Variants in LRRC8C observed in about 807,000 individuals in gnomAD.
LRRC8C encodes leucine rich repeat containing 8 VRAC subunit C.
In LRRC8C, 20 loss-of-function variants were observed where a neutral mutation model predicts 55.3. That is an observed-to-expected ratio of 0.36 (90% CI 0.25 to 0.53). The LOEUF (loss-of-function observed/expected upper bound fraction) is 0.53. Among genes scored for constraint, LRRC8C ranks in the 20% least tolerant of loss-of-function variants. The pLI, the probability that LRRC8C is intolerant of heterozygous loss-of-function variation, is 0.92. For missense variants in LRRC8C, 659 were observed against 951.4 expected (o/e 0.69, Z 4.04); for synonymous variants, 376 against 360.7 (o/e 1.04, Z -0.48).
In LRRC8C at chr1:89,685,103, T is replaced by G. The variant is rs958847479; in HGVS notation, c.-4-1367T>G. Among the ~76,000 whole-genome samples the G allele has an allele frequency of 1.3e-4, 4 of 31,286 alleles. 1 individual carries two copies. Among genetic ancestry groups the G allele is most frequent in the Admixed American group, 3.2e-4 (1 of 3,172 alleles). The allele number at this position is 31,286 out of a possible 152,430, so 20.5% of individuals were successfully genotyped here. A position where few individuals can be genotyped will look rare whatever the true frequency, so the allele number is the denominator to read the frequency against. On this transcript the variant is annotated intron_variant, in intron 1 of 2. Coordinates refer to ENST00000370454, the MANE Select transcript of LRRC8C (RefSeq NM_032270.5). ...GGATGTTTATTGTCTATCTAGTTCT[T>G]TTTTTTTTTTTTTTTTTTTTTTTGA...
Position 89,712,861 on chromosome 1 carries a change from A to T in LRRC8C, c.291A>T (p.Lys97Asn), listed in dbSNP as rs532635655. 1.9e-6 allele frequency: 3 copies of T among 1,614,174 alleles called. No individual in the cohort carries two copies. The highest frequency in any genetic ancestry group is 2.7e-5 in the African/African-American group (2 of 75,048). ...CTAACCCCATCACTGTGGAAATGAAAGGCCTGAAGACAGATTTGGACCTTC... is the reference window on the plus strand; with the variant it reads ...CTAACCCCATCACTGTGGAAATGAATGGCCTGAAGACAGATTTGGACCTTC... The part of the protein sequence containing the change: ...SPANPITVEM[K>N]GLKTDLDLQQ... Residue 97 changes from lysine (K) to asparagine (N), a missense_variant, in exon 3 of 3, where the codon AAA becomes AAT. By Grantham distance (94) the Lys-to-Asn change is moderately conservative. Coordinates refer to ENST00000370454, the MANE Select transcript of LRRC8C (RefSeq NM_032270.5).
rs1658773610 is a variant in LRRC8C, at chr1:89,714,964, G to A, written c.2394G>A (p.Glu798=). Residue 798 remains glutamate (E), a synonymous_variant, in exon 3 of 3, where the codon GAG becomes GAA. Transcript: ENST00000370454. The surrounding 1 kb of genome is among the most constrained non-coding windows in gnomAD (Gnocchi z 4.6). ...AAACTCTGCCTTCTGACGTCCGGGA[G>A]CAAATGAAAACAGAATAACTTATTT... ...LFETLPSDVR[E]QMKTE is the part of the protein sequence containing the mutation. 6.3e-7 allele frequency: 1 copy of A among 1,585,234 alleles called. No homozygotes were observed. Among genetic ancestry groups the A allele is most frequent in the Non-Finnish European group, 8.6e-7 (1 of 1,168,748 alleles).
At chr1:89,692,694 C>T (rs1027944681) in intron 2 of LRRC8C, among the ~76,000 whole-genome samples, 1 of 152,182 alleles carries the variant, frequency 6.6e-6, no homozygotes, top group Non-Finnish European at 1.5e-5. Flanking sequence ...TATAAACTCA[C>T]TATAAGCCAG....
Position 89,714,667 on chromosome 1 carries a change from C to T in LRRC8C, c.2097C>T (p.Pro699=), listed in dbSNP as rs1459082362. 6.2e-7 allele frequency: 1 copy of T among 1,614,156 alleles called. No individual in the cohort carries two copies. ...CGTACAATGACATTCGATTTATCCC[C>T]CCTGAAATTGGAGTTCTACAAAGTT... ...DLSYNDIRFI[P]PEIGVLQSLQ... Residue 699 remains proline (P), a synonymous_variant, in exon 3 of 3, where the codon CCC becomes CCT. Transcript: ENST00000370454. The surrounding 1 kb of genome is among the most constrained non-coding windows in gnomAD (Gnocchi z 4.6).
intron 1 of LRRC8C, among the ~76,000 whole-genome samples, chr1:89,639,395 T>C (rs1423711238): frequency 2.6e-5 from 4 of 152,208 alleles, no homozygotes; most frequent in African/African-American, 4.8e-5. Flanking sequence ...GGCTTTCTCA[T>C]GTTTAGTGCC....
At chr1:89,696,078 T>C (rs1570732542) in intron 2 of LRRC8C, among the ~76,000 whole-genome samples, 1 of 152,316 alleles carries the variant, frequency 6.6e-6, no homozygotes, top group Non-Finnish European at 1.5e-5. Context: ...GTCATAAGTG[T>C]GATTAGTTGA....
At chr1:89,685,278 C>T (rs1372087853) in intron 1 of LRRC8C, among the ~76,000 whole-genome samples, 1 of 109,696 alleles carries the variant, frequency 9.1e-6, no homozygotes, top group African/African-American at 3.6e-5. Flanking sequence ...GCCACCGCGC[C>T]CGGCTAATTT....
chr1:89,632,615 A>T (rs1213363046), upstream of LRRC8C: 4 of 152,294 alleles, frequency 2.6e-5, no homozygotes. Context: ...AGGAGTTCCC[A>T]GAAGGGCTAT....
At chr1:89,658,158 C>A (rs190893030) in intron 1 of LRRC8C, among the ~76,000 whole-genome samples, 2 of 152,090 alleles carry the variant, frequency 1.3e-5, no homozygotes, top group South Asian at 2.1e-4. Flanking sequence ...GTTTAACTAG[C>A]GTTTCTGGTA....
At chr1:89,659,085 G>T (rs1413863362) in intron 1 of LRRC8C, among the ~76,000 whole-genome samples, 6 of 142,130 alleles carry the variant, frequency 4.2e-5, no homozygotes, top group African/African-American at 1.3e-4. Context: ...GTGTGTGTGT[G>T]TGTGTGTGTG....
chr1:89,709,883 T>C (rs1040944982), intron 2 of LRRC8C, among the ~76,000 whole-genome samples: 6 of 151,838 alleles, frequency 4.0e-5, no homozygotes, highest in South Asian at 2.1e-4. Flanking sequence ...TCCCCAGTAG[T>C]TGGGACTACA....
chr1:89,645,845 C>G (rs1557647236), intron 1 of LRRC8C, among the ~76,000 whole-genome samples: 1 of 151,258 alleles, frequency 6.6e-6, no homozygotes, highest in Non-Finnish European at 1.5e-5. Flanking sequence ...AAGAAAAATT[C>G]AAAAAGGTTA....
chr1:89,639,898 CAT>C (rs1656407860), intron 1 of LRRC8C, among the ~76,000 whole-genome samples: 1 of 152,044 alleles, frequency 6.6e-6, no homozygotes, highest in Non-Finnish European at 1.5e-5. Flanking sequence ...CATTAAGAGA[CAT>C]GTAAATATTT....
intron 1 of LRRC8C, among the ~76,000 whole-genome samples, chr1:89,645,219 A>G (rs537035136): frequency 6.9e-4 from 105 of 152,316 alleles, no homozygotes; most frequent in African/African-American, 2.4e-3. Flanking sequence ...AGTAAAATAG[A>G]AATTCCAGAA....
At chr1:89,642,345 G>A (rs76089445) in intron 1 of LRRC8C, among the ~76,000 whole-genome samples, 1,999 of 152,318 alleles carry the variant, frequency 0.013, 19 homozygotes, top group Non-Finnish European at 0.021. Flanking sequence ...TGTAGCATTA[G>A]TACCTTAATA....
intron 1 of LRRC8C, among the ~76,000 whole-genome samples, chr1:89,648,197 G>T (rs1259005354): frequency 1.3e-5 from 2 of 152,110 alleles, no homozygotes; most frequent in Non-Finnish European, 2.9e-5. Context: ...TAAGTATTTT[G>T]CCAAAGATTA....
At chr1:89,625,902 A>G in the LRRC8C span, among the ~76,000 whole-genome samples, 1 of 152,248 alleles carries the variant, frequency 6.6e-6, no homozygotes, top group African/African-American at 2.4e-5. Context: ...TGTATGCATA[A>G]TAAAATATGG....
Position 89,717,079 on chromosome 1 carries a change from T to G in LRRC8C, c.*2097T>G, listed in dbSNP as rs1658845187. 2 of 152,182 alleles carry G rather than the reference T, an allele frequency of 1.3e-5. No individual in the cohort carries two copies. The highest frequency in any genetic ancestry group is 4.1e-4 in the South Asian group (2 of 4,824). 9.4% of individuals were successfully genotyped at this position (152,182 alleles called of 1,614,324 possible). ...GTTATAGTTCTTGTATGATAAAGTA[T>G]TCAATTTCAGAATAGTGTTGGAATC... On this transcript the variant is annotated 3_prime_UTR_variant, in exon 3 of 3. Transcript: ENST00000370454.
At chr1:89,682,510 A>G (rs116106656) in intron 1 of LRRC8C, among the ~76,000 whole-genome samples, 2,385 of 152,234 alleles carry the variant, frequency 0.016, 68 homozygotes, top group African/African-American at 0.054. Flanking sequence ...AAGCCTGGCA[A>G]CCTAGACCTT....
Sources: allele counts gnomAD v4.1 joint callset (sites outside exome capture counted in the v4.1 genomes callset), GRCh38; gene constraint gnomAD v4.1.1; non-coding constraint Gnocchi (gnomAD v3.1); transcripts MANE v1.5; gene names NCBI Gene and HGNC (gene_info 2026-07-23, HGNC 2026-07-21).